Variants in XRN1 observed in about 807,000 individuals in gnomAD.
The protein encoded by XRN1 is strand-exchange protein 1 homolog.
XRN1 carries 67 observed loss-of-function variants against 222.3 expected under a neutral mutation model. The observed-to-expected ratio is 0.30, with a 90% confidence interval of 0.25 to 0.37. The LOEUF is 0.37. Ranked by LOEUF, XRN1 falls within the 10% of genes least tolerant of loss-of-function variation. The pLI, the probability that XRN1 is intolerant of heterozygous loss-of-function variation, is 1.00. For synonymous variants in XRN1, 643 were observed against 652.4 expected (o/e 0.99, Z 0.22); for missense variants, 1,707 against 2,000.2 (o/e 0.85, Z 2.80).
At chr3:142,324,299 T>C (rs1354688820) in intron 37 of XRN1, among the ~76,000 whole-genome samples, 2 of 130,834 alleles carry the variant, frequency 1.5e-5, no homozygotes, top group East Asian at 5.0e-4. Context: ...CCTGTGTCCA[T>C]GTGTTCTCAC....
chr3:142,432,102 TTA>T (rs1191860797), intron 2 of XRN1, among the ~76,000 whole-genome samples: 3 of 109,814 alleles, frequency 2.7e-5, no homozygotes, highest in East Asian at 4.3e-4. Context: ...AATATATACA[TTA>T]TATATAAATA....
intron 23 of XRN1, among the ~76,000 whole-genome samples, chr3:142,379,571 T>C (rs1226340294): frequency 6.6e-6 from 1 of 152,224 alleles, no homozygotes; most frequent in Admixed American, 6.5e-5. Context: ...CTTCCCTCTA[T>C]TTTAACAAGA....
intron 39 of XRN1, among the ~76,000 whole-genome samples, chr3:142,314,592 G>A (rs1485562926): frequency 6.6e-6 from 1 of 151,912 alleles, no homozygotes; most frequent in South Asian, 2.1e-4. Context: ...GATCCATTAC[G>A]TCATGAAAAC....
Position 142,365,301 on chromosome 3 carries a change from G to C in XRN1, c.3261+9C>G. 6.3e-7 allele frequency: 1 copy of C among 1,592,016 alleles called. No individual in the cohort carries two copies. ...GCAACAACTCTGAATTCTTTGATAGGAAACTTACTCTGTATAGCAAATGGG... is the reference window on the plus strand; with the variant it reads ...GCAACAACTCTGAATTCTTTGATAGCAAACTTACTCTGTATAGCAAATGGG... On this transcript the variant is annotated intron_variant, in intron 28 of 40. Transcript: ENST00000392981.
chr3:142,379,361 A>G (rs2067235125), intron 23 of XRN1, among the ~76,000 whole-genome samples: 3 of 152,196 alleles, frequency 2.0e-5, no homozygotes, highest in Admixed American at 2.0e-4. Context: ...CAAACTATCA[A>G]TCAAGTGTAG....
intron 12 of XRN1, 128 bp from the exon 13 acceptor site, chr3:142,417,357 G>T: frequency 4.2e-6 from 3 of 712,604 alleles, no homozygotes; most frequent in Non-Finnish European, 4.5e-6. Context: ...GCTATTTATG[G>T]CTAAAAATTA....
At chr3:142,340,691 T>C (rs899344988) in intron 33 of XRN1, among the ~76,000 whole-genome samples, 2 of 151,842 alleles carry the variant, frequency 1.3e-5, no homozygotes, top group African/African-American at 4.8e-5. Flanking sequence ...AAGAAACAAA[T>C]AACATACAAT....
intron 19 of XRN1, among the ~76,000 whole-genome samples, chr3:142,399,682 C>G (rs1319703563): frequency 6.6e-6 from 1 of 151,680 alleles, no homozygotes; most frequent in African/African-American, 2.4e-5. Context: ...AAAAACCGTA[C>G]TGGCACTGAC....
At chr3:142,407,011 T>C (rs772896991) in intron 15 of XRN1, among the ~76,000 whole-genome samples, 11 of 152,194 alleles carry the variant, frequency 7.2e-5, no homozygotes, top group Non-Finnish European at 1.6e-4. Context: ...TGAAATTCAC[T>C]CCTTGAAAAC....
intron 27 of XRN1, among the ~76,000 whole-genome samples, chr3:142,369,616 C>A (rs2066921907): frequency 6.7e-6 from 1 of 149,748 alleles, no homozygotes; most frequent in African/African-American, 2.5e-5. Context: ...CCACTTCACT[C>A]CAGCCTCGGT....
chr3:142,399,801 A>T (rs113361879), intron 19 of XRN1, among the ~76,000 whole-genome samples: 5 of 91,334 alleles, frequency 5.5e-5, no homozygotes, highest in Admixed American at 9.2e-5. Flanking sequence ...GTGTAAATTT[A>T]AAAAAAAAAA....
intron 2 of XRN1, among the ~76,000 whole-genome samples, chr3:142,432,142 TATATA>T (rs1046370982): frequency 3.3e-4 from 38 of 116,092 alleles, no homozygotes; most frequent in African/African-American, 1.5e-3. Context: ...ATATATAAAA[TATATA>T]ATATATAATT....
chr3:142,431,862 ATAATATAT>A lies in XRN1; in HGVS notation c.308+791_308+798del, dbSNP rs1356541404. 4.4e-3 allele frequency among the ~76,000 whole-genome samples: 140 copies of A among 31,952 alleles called. 2 individuals are homozygous for A. The highest frequency in any genetic ancestry group is 0.036 in the African/African-American group (119 of 3,332). 21.0% of individuals were successfully genotyped at this position (31,952 alleles called of 152,430 possible). On this transcript the variant is annotated intron_variant, in intron 2 of 40. Transcript: ENST00000392981. Reference sequence around the variant, plus strand: ...ATATTAAAAAATATATATATTATATATAATATATTATATTATATATATTATATATAATA... The same window carrying A: ...ATATTAAAAAATATATATATTATATATATATTATATATATTATATATAATA...
rs1458809497 is a variant in XRN1, at chr3:142,384,246, C to T, written c.2502+277G>A. ...GAGATGGCGCCACTGCACTCCAGCC[C>T]GGGCAACAGAGCGAGACTCTGTCTC... On this transcript the variant is annotated intron_variant, in intron 21 of 40. Coordinates refer to ENST00000392981, the MANE Select transcript of XRN1 (RefSeq NM_001282857.2). Among the ~76,000 whole-genome samples, 8 of 142,896 alleles carry T rather than the reference C, an allele frequency of 5.6e-5. No individual in the cohort carries two copies. In the South Asian group the frequency reaches 1.5e-3, roughly 27 times the overall value. The allele number at this position is 142,896 out of a possible 152,430, so 93.7% of individuals were successfully genotyped here. A position where few individuals can be genotyped will look rare whatever the true frequency, so the allele number is the denominator to read the frequency against.
intron 25 of XRN1, among the ~76,000 whole-genome samples, chr3:142,375,590 T>A (rs1169228254): frequency 6.6e-6 from 1 of 152,184 alleles, no homozygotes; most frequent in Non-Finnish European, 1.5e-5. Context: ...TTTCATTATA[T>A]ATTTTCTTTT....
At chr3:142,343,401 CT>C in intron 33 of XRN1, among the ~76,000 whole-genome samples, 1 of 151,752 alleles carries the variant, frequency 6.6e-6, no homozygotes, top group South Asian at 2.1e-4. Context: ...TTTCAGTGAG[CT>C]GAGATCGCAC....
At chr3:142,411,046 A>G (rs2068557291) in intron 15 of XRN1, among the ~76,000 whole-genome samples, 1 of 152,214 alleles carries the variant, frequency 6.6e-6, no homozygotes, top group East Asian at 1.9e-4. Flanking sequence ...TCAGATTTTT[A>G]TATTTTTTTC....
At chr3:142,316,214 C>CTTTTT (rs377522108) in intron 39 of XRN1, among the ~76,000 whole-genome samples, 66 of 111,812 alleles carry the variant, frequency 5.9e-4, no homozygotes, top group African/African-American at 1.0e-3. Flanking sequence ...TCATTATCTT[C>CTTTTT]TTTTTTTTTT....
intron 20 of XRN1, among the ~76,000 whole-genome samples, chr3:142,386,906 T>C (rs546059993): frequency 1.3e-5 from 2 of 152,136 alleles, no homozygotes; most frequent in East Asian, 3.9e-4. Context: ...ATACAAAGAG[T>C]TTGCAAACCT....
Sources: allele counts gnomAD v4.1 joint callset (sites outside exome capture counted in the v4.1 genomes callset), GRCh38; gene constraint gnomAD v4.1.1; transcripts MANE v1.5; gene names NCBI Gene and HGNC (gene_info 2026-07-23, HGNC 2026-07-21).